Variants in TMTC4 observed in about 807,000 individuals in gnomAD.
TMTC4 encodes protein O-mannosyl-transferase TMTC4.
TMTC4 carries 65 observed loss-of-function variants against 86.0 expected under a neutral mutation model. The ratio of observed to expected loss-of-function variants is 0.76; its 90% CI spans 0.62 to 0.93. The LOEUF (loss-of-function observed/expected upper bound fraction) is 0.93. TMTC4 is among the 40% of genes least tolerant of loss of function. The pLI is 0.00. For missense variants in TMTC4, 866 were observed against 948.1 expected, an observed-to-expected ratio of 0.91 and a Z score of 1.14; for synonymous variants, 379 against 382.5, an observed-to-expected ratio of 0.99 and a Z score of 0.11.
intron 6 of TMTC4, among the ~76,000 whole-genome samples, chr13:100,643,109 G>A (rs551548380): frequency 3.1e-4 from 47 of 152,144 alleles, no homozygotes; most frequent in Middle Eastern, 6.8e-3. Context: ...TGCAATTTGG[G>A]GGCCAGAACT....
At chr13:100,606,829 T>C (rs1876696832) in intron 17 of TMTC4, among the ~76,000 whole-genome samples, 1 of 152,096 alleles carries the variant, frequency 6.6e-6, no homozygotes, top group Non-Finnish European at 1.5e-5. Context: ...TTGAGGCCCA[T>C]TTCCTCTCCC....
At chr13:100,641,422 T>C (rs779720161) in intron 7 of TMTC4, among the ~76,000 whole-genome samples, 6 of 151,874 alleles carry the variant, frequency 4.0e-5, no homozygotes, top group Non-Finnish European at 5.9e-5. Context: ...AGAGACAGAA[T>C]GTGTGTGCAC....
intron 3 of TMTC4, 112 bp downstream of exon 3, chr13:100,668,467 C>T (rs1181902981): frequency 1.8e-6 from 2 of 1,114,432 alleles, no homozygotes; most frequent in East Asian, 2.6e-5. Context: ...CCATCGGGGC[C>T]CAGGCCAATG....
intron 12 of TMTC4, among the ~76,000 whole-genome samples, chr13:100,631,593 T>C (rs9518113): frequency 0.18 from 27,991 of 152,198 alleles, 2,867 homozygotes; most frequent in Admixed American, 0.24. Context: ...TGCAAGGCAC[T>C]GTGCCTTGAC....
Position 100,636,412 on chromosome 13 carries a change from T to C in TMTC4, c.1202+120A>G, listed in dbSNP as rs1297137978. 3.7e-5 allele frequency: 45 copies of C among 1,225,132 alleles called. 1 individual carries two copies. The highest frequency in any genetic ancestry group is 6.0e-5 in the African/African-American group (4 of 66,690). 75.9% of individuals were successfully genotyped at this position (1,225,132 alleles called of 1,614,324 possible). On this transcript the variant is annotated intron_variant, in intron 10 of 18. Transcript: ENST00000342624. ...AACTCATCCTAGCCATAAATATGCA[T>C]TTGAAACAAATGTCCTTAGACGTGA...
rs752554310 is a variant in TMTC4 at position 100,612,461 on chromosome 13, T to C, written c.2001A>G (p.Ile667Met). The change falls in exon 17 of 19, where the codon ATA becomes ATG. Residue 667 changes from isoleucine (I) to methionine (M), a missense_variant. Coordinates refer to ENST00000342624, the MANE Select transcript of TMTC4 (RefSeq NM_032813.5). The stretch of plus-strand genomic sequence containing the variant: ...AGAACATGAGAGAGTGATCATTAGG[T>C]ATTAATTCCAGTGCCTCTCTTCCAA... ...EAVGREALEL[I>M]PNDHSLMFSL... The C allele has an allele frequency of 6.2e-7, 1 of 1,612,642 alleles. No homozygotes were observed. The highest frequency in any genetic ancestry group is 8.5e-7 in the Non-Finnish European group (1 of 1,179,644).
intron 17 of TMTC4, among the ~76,000 whole-genome samples, chr13:100,610,044 G>A (rs914404385): frequency 1.3e-5 from 2 of 152,170 alleles, no homozygotes; most frequent in Non-Finnish European, 2.9e-5. Flanking sequence ...GTAACTGCCC[G>A]ACAGCAATGG....
chr13:100,656,542 C>CTTTGTTTTTTTTTTTTT (rs1885135976), intron 5 of TMTC4, 74 bp from the exon 6 acceptor site: 1 of 350,206 alleles, frequency 2.9e-6, no homozygotes, highest in Non-Finnish European at 4.6e-6. Context: ...GGAGACATAA[C>CTTTGTTTTTTTTTTTTT]TTTTTTTTTT....
intron 17 of TMTC4, among the ~76,000 whole-genome samples, chr13:100,609,680 TACAC>T (rs60083702): frequency 3.2e-4 from 48 of 150,716 alleles, no homozygotes; most frequent in African/African-American, 1.0e-3. Flanking sequence ...TGTATATATA[TACAC>T]ACACACACAC....
chr13:100,637,910 A>C lies in TMTC4; in HGVS notation c.834+20T>G. The stretch of plus-strand genomic sequence containing the variant: ...TTGACATTTTCCATGTCTGGGCTGG[A>C]GATAAAAGTACAGACTCACCTCTAA... On this transcript the variant is annotated intron_variant, in intron 8 of 18. Transcript: ENST00000342624. The C allele has an allele frequency of 6.3e-7, 1 of 1,586,308 alleles. No homozygotes were observed. Among genetic ancestry groups the C allele is most frequent in the Non-Finnish European group, 8.6e-7 (1 of 1,161,082 alleles).
chr13:100,644,112 T>C (rs1883395227), intron 6 of TMTC4, among the ~76,000 whole-genome samples: 1 of 146,948 alleles, frequency 6.8e-6, no homozygotes, highest in African/African-American at 2.5e-5. Flanking sequence ...TTTTTTTTTT[T>C]TTTTTCTTTT....
At chr13:100,668,857 G>C in intron 2 of TMTC4, 63 bp from the exon 3 acceptor site, 1 of 1,488,636 alleles carries the variant, frequency 6.7e-7, no homozygotes, top group Non-Finnish European at 9.3e-7. Flanking sequence ...TCTGCAGTGG[G>C]CACCGTGAGT....
intron 7 of TMTC4, among the ~76,000 whole-genome samples, chr13:100,639,969 T>G (rs1294881826): frequency 6.7e-6 from 1 of 149,874 alleles, no homozygotes; most frequent in Non-Finnish European, 1.5e-5. Flanking sequence ...TAAAATAAAA[T>G]AAAATAAAAA....
At chr13:100,662,014 G>A (rs544039423) in intron 5 of TMTC4, among the ~76,000 whole-genome samples, 1 of 152,160 alleles carries the variant, frequency 6.6e-6, no homozygotes, top group East Asian at 2.0e-4. Context: ...GCAGGGGGCG[G>A]TTCCTGACAA....
At position 100,626,011 on chromosome 13, in the gene TMTC4, A is replaced by T; in HGVS notation, c.1586+60T>A. On this transcript the variant is annotated intron_variant, in intron 13 of 18. Transcript: ENST00000342624. ...GGGTCTTTAAAGGAACAGGTGTTTC[A>T]TATTAGAAAGTGAAAACGATCTGTG... 4 of 1,606,712 alleles carry T rather than the reference A, an allele frequency of 2.5e-6. No homozygotes were observed. The South Asian group carries it at 4.4e-5, about 18-fold the overall frequency.
chr13:100,653,411 C>G, intron 6 of TMTC4, among the ~76,000 whole-genome samples: 1 of 152,050 alleles, frequency 6.6e-6, no homozygotes, highest in Non-Finnish European at 1.5e-5. Context: ...AGGGGCTGTT[C>G]TGATGTCGCC....
At chr13:100,617,604 A>T (rs1162372631) in intron 15 of TMTC4, among the ~76,000 whole-genome samples, 5 of 151,592 alleles carry the variant, frequency 3.3e-5, no homozygotes, top group Non-Finnish European at 7.4e-5. Flanking sequence ...CCATTGCTTT[A>T]AAAAAAAATT....
intron 1 of TMTC4, among the ~76,000 whole-genome samples, chr13:100,672,236 G>A (rs1442121637): frequency 6.6e-6 from 1 of 152,256 alleles, no homozygotes; most frequent in Non-Finnish European, 1.5e-5. Flanking sequence ...ACTAGGGCCA[G>A]CAGTAGCCCA....
chr13:100,669,629 C>T (rs1886826126), intron 2 of TMTC4, among the ~76,000 whole-genome samples: 2 of 152,248 alleles, frequency 1.3e-5, no homozygotes, highest in South Asian at 4.1e-4. Context: ...GTTGTGCGGT[C>T]CTGTGCACAA....
Sources: gnomAD v4.1 joint callset for allele counts (sites outside exome capture counted in the v4.1 genomes callset) on GRCh38, gnomAD v4.1.1 for gene constraint, MANE v1.5 for transcripts, NCBI Gene and HGNC (gene_info 2026-07-23, HGNC 2026-07-21) for gene names.